PCDHGA1: variants seen among roughly 807,000 people sequenced by gnomAD.
PCDHGA1 encodes protocadherin gamma-A1.
Under a neutral mutation model 58.0 loss-of-function variants are expected in PCDHGA1, and 32 were observed. That is an observed-to-expected ratio of 0.55 (90% CI 0.42 to 0.74). PCDHGA1 has a LOEUF of 0.74. Among genes scored for constraint, PCDHGA1 ranks in the 30% least tolerant of loss-of-function variants. The pLI is 0.00. For synonymous variants in PCDHGA1, 498 were observed against 501.1 expected, an observed-to-expected ratio of 0.99 and a Z score of 0.08; for missense variants, 1,205 against 1,182.3, an observed-to-expected ratio of 1.02 and a Z score of -0.28.
chr5:141,476,016 G>A lies in PCDHGA1; in HGVS notation c.2422-18791G>A. 7.4e-7 allele frequency: 1 copy of A among 1,359,386 alleles called. No individual in the cohort carries two copies. 84.2% of individuals were successfully genotyped at this position (1,359,386 alleles called of 1,614,324 possible). A position where few individuals can be genotyped will look rare whatever the true frequency, so the allele number is the denominator to read the frequency against. On this transcript the variant is annotated intron_variant, in intron 1 of 3. Coordinates refer to ENST00000517417, the MANE Select transcript of PCDHGA1 (RefSeq NM_018912.3). This position sits in a 1 kb window ranked among gnomAD's most constrained non-coding sequence, Gnocchi z 7.6. ...TCAACGGCATCCAGAAAGCCATGTC[G>A]GACTCGGCGCCCAGCGCCCAAGCGC...
At chr5:141,441,746 C>CGTCAA in intron 1 of PCDHGA1, 1 of 371,314 alleles carries the variant, frequency 2.7e-6, no homozygotes, top group Non-Finnish European at 5.4e-6. Context: ...TCGCGCTCGG[C>CGTCAA]GTCAACGTGA....
intron 1 of PCDHGA1, among the ~76,000 whole-genome samples, chr5:141,461,231 T>C (rs1042368465): frequency 6.6e-5 from 10 of 152,068 alleles, no homozygotes; most frequent in African/African-American, 2.4e-4. Context: ...TCCATAGAGG[T>C]TGTACTAATT....
chr5:141,361,276 G>A (rs1242362767), intron 1 of PCDHGA1: 6 of 1,613,950 alleles, frequency 3.7e-6, no homozygotes, highest in East Asian at 2.2e-5. Flanking sequence ...AGAAAATGGA[G>A]AAGTTTACTG....
chr5:141,399,510 C>G, intron 1 of PCDHGA1: 1 of 1,614,040 alleles, frequency 6.2e-7, no homozygotes, highest in East Asian at 2.2e-5. Flanking sequence ...CCGAAAACAA[C>G]CCTCCTGGGG....
In PCDHGA1 at chr5:141,362,122, A is replaced by G. The variant is rs772713796; in HGVS notation, c.2421+29017A>G. On this transcript the variant is annotated intron_variant, in intron 1 of 3. Transcript: ENST00000517417. Reference sequence around the variant, plus strand: ...CTCCGCTACGGCCACGCTGCACCTAATCTTCGCGGATAGCCTGCAAGAGGT... The same window carrying G: ...CTCCGCTACGGCCACGCTGCACCTAGTCTTCGCGGATAGCCTGCAAGAGGT... 5 of 1,613,798 alleles carry G rather than the reference A, an allele frequency of 3.1e-6. No individual in the cohort carries two copies. The South Asian group carries it at 3.3e-5, about 11-fold the overall frequency.
At position 141,473,628 on chromosome 5, in the gene PCDHGA1, A is replaced by T. The variant is rs533175704; in HGVS notation, c.2422-21179A>T. The stretch of plus-strand genomic sequence containing the variant: ...AAAGCAAAGGGAGGGAGGAAAAAGC[A>T]GCTTTCCTGGCAAAGGAACAATTTG... On this transcript the variant is annotated intron_variant, in intron 1 of 3. Transcript: ENST00000517417. 4.6e-5 allele frequency among the ~76,000 whole-genome samples: 7 copies of T among 152,334 alleles called. No individual in the cohort carries two copies. In the South Asian group the frequency reaches 1.4e-3, roughly 32 times the overall value.
At position 141,331,256 on chromosome 5, in the gene PCDHGA1, A is replaced by C; in HGVS notation, c.572A>C (p.His191Pro). 1 of 1,614,134 alleles carries C rather than the reference A, an allele frequency of 6.2e-7. No individual in the cohort carries two copies. The change falls in exon 1 of 4, where the codon CAT becomes CCT. Residue 191 changes from histidine (H) to proline (P), a missense_variant. By Grantham distance (77) the His-to-Pro change is moderately conservative. Coordinates refer to ENST00000517417, the MANE Select transcript of PCDHGA1 (RefSeq NM_018912.3). The stretch of plus-strand genomic sequence containing the variant: ...CAACAGGGAGCCGATGGGCCTCAAC[A>C]TCCAGAGATGGTGCTGCAGAGTCCC... ...DVQQGADGPQ[H>P]PEMVLQSPLD... is the part of the protein sequence containing the mutation.
At chr5:141,374,300 C>A (rs746754972) in intron 1 of PCDHGA1, 38 of 1,613,830 alleles carry the variant, frequency 2.4e-5, no homozygotes, top group Non-Finnish European at 3.1e-5. Flanking sequence ...AGGTAGGATG[C>A]AGCTTTTCTC....
Position 141,476,974 on chromosome 5 carries a change from C to G in PCDHGA1, c.2422-17833C>G. 1 of 1,614,268 alleles carries G rather than the reference C, an allele frequency of 6.2e-7. No homozygotes were observed. The highest frequency in any genetic ancestry group is 1.3e-5 in the African/African-American group (1 of 75,080). On this transcript the variant is annotated intron_variant, in intron 1 of 3. Coordinates refer to ENST00000517417, the MANE Select transcript of PCDHGA1 (RefSeq NM_018912.3). This position sits in a 1 kb window ranked among gnomAD's most constrained non-coding sequence, Gnocchi z 7.6. ...AAATTATTTACTCCTTCGGCAGCCA[C>G]AACCGCGCCGGCGTGCGGCAACTAT...
chr5:141,435,906 A>C (rs1246100275), intron 1 of PCDHGA1, among the ~76,000 whole-genome samples: 1 of 152,182 alleles, frequency 6.6e-6, no homozygotes, highest in African/African-American at 2.4e-5. Context: ...AAAGACATCC[A>C]AGGGCTCTAA....
rs112156044 is a variant in PCDHGA1, at chr5:141,476,771, G to A, written c.2422-18036G>A. The A allele has an allele frequency of 6.2e-7, 1 of 1,613,700 alleles. No homozygotes were observed. The highest frequency in any genetic ancestry group is 1.3e-5 in the African/African-American group (1 of 75,036). On this transcript the variant is annotated intron_variant, in intron 1 of 3. Coordinates refer to ENST00000517417, the MANE Select transcript of PCDHGA1 (RefSeq NM_018912.3). The surrounding 1 kb of genome is among the most constrained non-coding windows in gnomAD (Gnocchi z 7.6). ...CCAGTTAGTGCTGACGGCGTTGGAC[G>A]GAGGGACCCCAGCTCTCTCCGCCAG...
At chr5:141,371,827 A>AT (rs1561552791) in intron 1 of PCDHGA1, 3 of 1,613,784 alleles carry the variant, frequency 1.9e-6, no homozygotes, top group Admixed American at 3.3e-5. Context: ...AGAGCCTCGG[A>AT]TCCCGACTTG....
intron 1 of PCDHGA1, chr5:141,371,290 G>A (rs1233908065): frequency 6.2e-7 from 1 of 1,613,998 alleles, no homozygotes; most frequent in Non-Finnish European, 8.5e-7. Flanking sequence ...AGTAAAACGG[G>A]GGAACTCACC....
At position 141,431,353 on chromosome 5, in the gene PCDHGA1, C is replaced by T. The variant is rs1273946805; in HGVS notation, c.2422-63454C>T. 1 of 1,613,940 alleles carries T rather than the reference C, an allele frequency of 6.2e-7. No homozygotes were observed. Among genetic ancestry groups the T allele is most frequent in the Non-Finnish European group, 8.5e-7 (1 of 1,180,042 alleles). On this transcript the variant is annotated intron_variant, in intron 1 of 3. Coordinates refer to ENST00000517417, the MANE Select transcript of PCDHGA1 (RefSeq NM_018912.3). This position sits in a 1 kb window ranked among gnomAD's most constrained non-coding sequence, Gnocchi z 4.8. ...AGTACCCCGAATTGGTGCTGAAACG[C>T]GCCCTGGACCGCGAAGAAAAGGCTG...
At position 141,393,626 on chromosome 5, in the gene PCDHGA1, G is replaced by C. The variant is rs2092811511; in HGVS notation, c.2421+60521G>C. ...CTGTAACAGCCAGCGACCCGGATGA[G>C]GGAATCAACGGAAAAGTGGCATACA... On this transcript the variant is annotated intron_variant, in intron 1 of 3. Coordinates refer to ENST00000517417, the MANE Select transcript of PCDHGA1 (RefSeq NM_018912.3). 10 of 1,613,922 alleles carry C rather than the reference G, an allele frequency of 6.2e-6. No individual in the cohort carries two copies. The highest frequency in any genetic ancestry group is 8.5e-6 in the Non-Finnish European group (10 of 1,179,904).
At chr5:141,371,032 C>T (rs547337082) in intron 1 of PCDHGA1, 1 of 1,614,002 alleles carries the variant, frequency 6.2e-7, no homozygotes, top group Admixed American at 1.7e-5. Context: ...CTGGTCCTCA[C>T]AGCTGTGGAT....
At chr5:141,450,147 C>T (rs1322871298) in intron 1 of PCDHGA1, among the ~76,000 whole-genome samples, 2 of 151,774 alleles carry the variant, frequency 1.3e-5, no homozygotes, top group African/African-American at 4.8e-5. Context: ...GCTGGGACTA[C>T]AGGCATGTGC....
At chr5:141,347,172 T>TTTCC (rs1757920593) in intron 1 of PCDHGA1, among the ~76,000 whole-genome samples, 1 of 149,064 alleles carries the variant, frequency 6.7e-6, no homozygotes, top group Non-Finnish European at 1.5e-5. Context: ...TCTTTCTTTC[T>TTTCC]TTCTTTCTTG....
At chr5:141,374,365 G>T (rs1180030505) in intron 1 of PCDHGA1, 2 of 1,614,054 alleles carry the variant, frequency 1.2e-6, no homozygotes, top group South Asian at 1.1e-5. Flanking sequence ...ACCGCGAGGA[G>T]CTCTGTGCTC....
Sources: allele counts gnomAD v4.1 joint callset (sites outside exome capture counted in the v4.1 genomes callset), GRCh38; gene constraint gnomAD v4.1.1; non-coding constraint Gnocchi (gnomAD v3.1); transcripts MANE v1.5; gene names NCBI Gene and HGNC (gene_info 2026-07-23, HGNC 2026-07-21).